The following PDCD4 variants were observed in gnomAD, a reference collection of about 807,000 sequenced individuals.
PDCD4 encodes programmed cell death 4.
PDCD4 carries 56 observed loss-of-function variants against 54.0 expected under a neutral mutation model. The ratio of observed to expected loss-of-function variants is 1.04; its 90% CI spans 0.84 to 1.30. The LOEUF (loss-of-function observed/expected upper bound fraction) is 1.30, where lower values mean the gene tolerates loss of function less well. Among genes scored for constraint, PDCD4 ranks in the 50% most tolerant of loss-of-function variants. The pLI, the probability that PDCD4 is intolerant of heterozygous loss-of-function variation, is 0.00. For synonymous variants in PDCD4, 186 were observed against 194.8 expected, an observed-to-expected ratio of 0.95 and a Z score of 0.37; for missense variants, 584 against 559.8, an observed-to-expected ratio of 1.04 and a Z score of -0.44.
In PDCD4 at chr10:110,894,078, T is replaced by G. The variant is rs575880225; in HGVS notation, c.991-13T>G. The G allele has an allele frequency of 6.6e-7, 1 of 1,511,676 alleles. No homozygotes were observed. Among genetic ancestry groups the G allele is most frequent in the Non-Finnish European group, 9.2e-7 (1 of 1,090,052 alleles). The allele number at this position is 1,511,676 out of a possible 1,614,324, so 93.6% of individuals were successfully genotyped here. A position where few individuals can be genotyped will look rare whatever the true frequency, so the allele number is the denominator to read the frequency against. On this transcript the variant is annotated splice_polypyrimidine_tract_variant and intron_variant, in intron 8 of 11. Transcript: ENST00000280154. ...TAGGAATTCTGACACATCTCAACTT[T>G]TAAATCTAATAGATTGATATGCTGC...
intron 2 of PDCD4, chr10:110,880,198 AGTT>A (rs946636601): frequency 6.6e-6 from 1 of 152,232 alleles, no homozygotes; most frequent in African/African-American, 2.4e-5. Flanking sequence ...CATACAGTCT[AGTT>A]GTGGTTTCTC....
chr10:110,889,935 A>G (rs1338909270), intron 7 of PDCD4, among the ~76,000 whole-genome samples: 1 of 152,204 alleles, frequency 6.6e-6, no homozygotes. Flanking sequence ...TTCTGTTTTC[A>G]GGTTCTAGCA....
At chr10:110,887,354 A>G (rs1373927771) in intron 5 of PDCD4, among the ~76,000 whole-genome samples, 2 of 152,154 alleles carry the variant, frequency 1.3e-5, no homozygotes, top group African/African-American at 2.4e-5. Context: ...TGATGAAATC[A>G]CCTAAATGGT....
At chr10:110,873,834 TTTA>T (rs1335449887) in intron 1 of PDCD4, among the ~76,000 whole-genome samples, 3 of 152,374 alleles carry the variant, frequency 2.0e-5, no homozygotes, top group Admixed American at 1.3e-4. Context: ...GACTATTTTT[TTTA>T]TTAAGATAAC....
rs543215186 is a variant in PDCD4 at position 110,875,638 on chromosome 10, A to T, written c.-62-328A>T. Among the ~76,000 whole-genome samples the T allele has an allele frequency of 2.0e-5, 3 of 152,318 alleles. No homozygotes were observed. In the South Asian group the frequency reaches 6.2e-4, roughly 32 times the overall value. Reference sequence around the variant, plus strand: ...ATTAATTTTGAGGCTTGGTATTCCTAAAAGATTTGGATGTGTGTATTTCTT... The same window carrying T: ...ATTAATTTTGAGGCTTGGTATTCCTTAAAGATTTGGATGTGTGTATTTCTT... On this transcript the variant is annotated intron_variant, in intron 1 of 11. Coordinates refer to ENST00000280154, the MANE Select transcript of PDCD4 (RefSeq NM_014456.5).
chr10:110,874,455 A>T (rs1845471542), intron 1 of PDCD4, among the ~76,000 whole-genome samples: 1 of 152,172 alleles, frequency 6.6e-6, no homozygotes, highest in Admixed American at 6.5e-5. Flanking sequence ...GCCATGAAGG[A>T]TGCTGAGTGT....
chr10:110,881,469 A>G lies in PDCD4; in HGVS notation c.280A>G (p.Ser94Gly), dbSNP rs1845590723. The change falls in exon 3 of 12, where the codon AGT becomes GGT. Residue 94 changes from serine to glycine, a missense_variant. Transcript: ENST00000280154. ...ALRSGLTVPT[S>G]PKGRLLDRRS... ...TAGAAGTGGATTAACTGTGCCAACCAGTCCAAAGGGAAGGTTGCTGGATAG... is the reference window on the plus strand; with the variant it reads ...TAGAAGTGGATTAACTGTGCCAACCGGTCCAAAGGGAAGGTTGCTGGATAG... 6.2e-7 allele frequency: 1 copy of G among 1,614,074 alleles called. No homozygotes were observed.
At chr10:110,891,335 A>AG (rs1845752511) in intron 8 of PDCD4, among the ~76,000 whole-genome samples, 1 of 139,076 alleles carries the variant, frequency 7.2e-6, no homozygotes, top group South Asian at 2.4e-4. Context: ...TGAACCCAGG[A>AG]GGAGGAGGTT....
At chr10:110,897,826 A>T (rs1377491699) in intron 11 of PDCD4, among the ~76,000 whole-genome samples, 2 of 151,776 alleles carry the variant, frequency 1.3e-5, no homozygotes, top group Non-Finnish European at 2.9e-5. Flanking sequence ...ACAAAAACTC[A>T]GATTTGATAT....
chr10:110,876,618 G>T, intron 2 of PDCD4: 1 of 506,912 alleles, frequency 2.0e-6, no homozygotes, highest in Non-Finnish European at 3.2e-6. Context: ...AAACTTACTG[G>T]TATCTTTGGT....
Position 110,885,328 on chromosome 10 carries a change from C to A in PDCD4, c.517C>A (p.Gln173Lys), listed in dbSNP as rs1189408052. The A allele has an allele frequency of 1.3e-6, 2 of 1,592,956 alleles. No individual in the cohort carries two copies. Among genetic ancestry groups the A allele is most frequent in the African/African-American group, 2.7e-5 (2 of 74,062 alleles). Residue 173 changes from glutamine to lysine, a missense_variant, in exon 5 of 12, where the codon CAG becomes AAG. Transcript: ENST00000280154. ...AFEKTLTPIIQEYFEHGDTNE... is the reference protein window; with the variant it reads ...AFEKTLTPIIKEYFEHGDTNE... ...TGAGAAGACTTTAACACCAATCATA[C>A]AGGAATATTTTGAGCATGGAGATAC... is the stretch of plus-strand genomic sequence containing the variant.
At chr10:110,873,472 T>A (rs987615301) in intron 1 of PDCD4, among the ~76,000 whole-genome samples, 2 of 152,232 alleles carry the variant, frequency 1.3e-5, no homozygotes, top group Non-Finnish European at 1.5e-5. Context: ...AGGGTCTGTC[T>A]CTTAGGGAAT....
At chr10:110,888,270 TC>T in intron 6 of PDCD4, among the ~76,000 whole-genome samples, 1 of 152,256 alleles carries the variant, frequency 6.6e-6, no homozygotes, top group African/African-American at 2.4e-5. Flanking sequence ...ATAAGACTCT[TC>T]CCTTTTGTAG....
chr10:110,879,744 C>A (rs973149104), intron 2 of PDCD4, among the ~76,000 whole-genome samples: 1 of 151,822 alleles, frequency 6.6e-6, no homozygotes, highest in Admixed American at 6.6e-5. Flanking sequence ...GAAAATCAGT[C>A]TTCATTCAGT....
intron 3 of PDCD4, 101 bp from the exon 4 acceptor site, chr10:110,882,902 A>AT (rs147566781): frequency 0.064 from 47,779 of 744,304 alleles, 3,009 homozygotes; most frequent in East Asian, 0.31. Flanking sequence ...GTTAAATACA[A>AT]TTTTTTTTTA....
chr10:110,875,694 A>G (rs1277302536), intron 1 of PDCD4, among the ~76,000 whole-genome samples: 3 of 152,078 alleles, frequency 2.0e-5, no homozygotes, highest in Non-Finnish European at 4.4e-5. Context: ...TCACAAACAT[A>G]TCTTTTAATT....
At chr10:110,896,458 T>C (rs1845833666) in intron 11 of PDCD4, among the ~76,000 whole-genome samples, 1 of 152,168 alleles carries the variant, frequency 6.6e-6, no homozygotes, top group Admixed American at 6.6e-5. Context: ...TTCAGGACTT[T>C]TCTGGCTTCA....
intron 2 of PDCD4, chr10:110,876,700 A>G (rs758218130): frequency 1.6e-6 from 2 of 1,279,568 alleles, no homozygotes; most frequent in Middle Eastern, 2.2e-4. Context: ...ATGGTGCTTC[A>G]ATAGCATGTT....
Position 110,898,348 on chromosome 10 carries a change from G to A in PDCD4, c.*260G>A, listed in dbSNP as rs1399213623. 3.5e-6 allele frequency: 1 copy of A among 285,590 alleles called. No homozygotes were observed. The highest frequency in any genetic ancestry group is 6.4e-6 in the Non-Finnish European group (1 of 155,890). The allele number at this position is 285,590 out of a possible 1,614,324, so 17.7% of individuals were successfully genotyped here. ...TATTCTAATAAGCTACCTTTTGTAA[G>A]TGCCATGTTTATTATCTAATCATTC... On this transcript the variant is annotated 3_prime_UTR_variant, in exon 12 of 12. Transcript: ENST00000280154.
Sources: allele counts gnomAD v4.1 joint callset (sites outside exome capture counted in the v4.1 genomes callset), GRCh38; gene constraint gnomAD v4.1.1; transcripts MANE v1.5; gene names NCBI Gene and HGNC (gene_info 2026-07-23, HGNC 2026-07-21).